LEUTX: variants seen among roughly 807,000 people sequenced by gnomAD.
The protein encoded by LEUTX is leucine twenty homeobox.
LEUTX carries 5 observed loss-of-function variants against 4.5 expected under a neutral mutation model. That is an observed-to-expected ratio of 1.11 (90% CI 0.58 to 2.34). LEUTX has a LOEUF of 2.34. LEUTX is among the 30% of genes most tolerant of loss of function. The probability of loss-of-function intolerance (pLI) is 0.01; values close to 1 mark genes in which losing one functional copy is unlikely to be tolerated. For missense variants in LEUTX, 233 were observed against 239.4 expected, an observed-to-expected ratio of 0.97 and a Z score of 0.18; for synonymous variants, 89 against 85.1, an observed-to-expected ratio of 1.05 and a Z score of -0.25.
In LEUTX at chr19:39,786,119, T is replaced by A; in HGVS notation, c.581T>A (p.Leu194His). Residue 194 changes from leucine (L) to histidine (H), a missense_variant, in exon 3 of 3, where the codon CTC (leucine) becomes CAC (histidine). By Grantham distance (99) the Leu-to-His change is moderately conservative (BLOSUM62 -3). Transcript: ENST00000638280. ...LFPVCLEYDQLQSSV is the reference protein window; with the variant it reads ...LFPVCLEYDQHQSSV ...CCAGTATGCCTTGAGTATGACCAGC[T>A]CCAATCTTCAGTGTAACTTCTTACA... is the stretch of plus-strand genomic sequence containing the variant. 6.5e-7 allele frequency: 1 copy of A among 1,530,482 alleles called. No individual in the cohort carries two copies. Among genetic ancestry groups the A allele is most frequent in the Non-Finnish European group, 8.8e-7 (1 of 1,137,242 alleles). The allele number at this position is 1,530,482 out of a possible 1,614,324, so 94.8% of individuals were successfully genotyped here.
intron 1 of LEUTX, among the ~76,000 whole-genome samples, chr19:39,782,288 C>T (rs186241826): frequency 5.9e-5 from 9 of 152,236 alleles, no homozygotes; most frequent in East Asian, 1.9e-4. Context: ...GGGAAGGATC[C>T]GGTGGGAGAT....
At chr19:39,784,074 A>G (rs1967927026) in intron 1 of LEUTX, among the ~76,000 whole-genome samples, 1 of 151,888 alleles carries the variant, frequency 6.6e-6, no homozygotes, top group Admixed American at 6.6e-5. Flanking sequence ...TCTTAGGTCT[A>G]GTGGATAAAA....
upstream of LEUTX, among the ~76,000 whole-genome samples, chr19:39,778,397 G>A (rs1459665050): frequency 6.6e-6 from 1 of 151,862 alleles, no homozygotes; most frequent in African/African-American, 2.4e-5. Context: ...AGGTTGAACC[G>A]AGATGGGCGG....
At chr19:39,784,400 G>A in intron 1 of LEUTX, 127 bp from the exon 2 acceptor site, 1 of 550,408 alleles carries the variant, frequency 1.8e-6, no homozygotes, top group Non-Finnish European at 3.2e-6. Context: ...CTCTGTCAGA[G>A]GGACGGTCTA....
intron 1 of LEUTX, among the ~76,000 whole-genome samples, chr19:39,780,596 C>T (rs1265844563): frequency 1.3e-5 from 2 of 152,150 alleles, no homozygotes; most frequent in African/African-American, 4.8e-5. Flanking sequence ...TAGTGCTGGA[C>T]ATCCCTGAGC....
rs539057928 is a variant in LEUTX, at chr19:39,785,622, C to T, written c.160-76C>T. ...GAGACTCTCTCTCACACCAAAAAAC[C>T]GAATTCCTGAGGAACATGAGGATGC... On this transcript the variant is annotated intron_variant, in intron 2 of 2. Coordinates refer to ENST00000638280, the MANE Select transcript of LEUTX (RefSeq NM_001382345.1). 61 of 1,211,294 alleles carry T rather than the reference C, an allele frequency of 5.0e-5. No homozygotes were observed. In the African/African-American group the frequency reaches 7.5e-4, roughly 15 times the overall value. The allele number at this position is 1,211,294 out of a possible 1,614,324, so 75.0% of individuals were successfully genotyped here.
Position 39,783,836 on chromosome 19 carries a change from G to T in LEUTX, c.8-691G>T, listed in dbSNP as rs189664798. On this transcript the variant is annotated intron_variant, in intron 1 of 2. Transcript: ENST00000638280. ...GCCCACTTTTTGATGGAATTGTTTG[G>T]TTTTTTTCTTGCTAATTTGTTTGAG... Among the ~76,000 whole-genome samples, 478 of 151,876 alleles carry T rather than the reference G, an allele frequency of 3.1e-3. 2 individuals carry two copies. Among genetic ancestry groups the T allele is most frequent in the African/African-American group, 0.01 (429 of 41,422 alleles).
At chr19:39,779,207 C>G (rs748538509) in intron 1 of LEUTX, among the ~76,000 whole-genome samples, 3 of 152,128 alleles carry the variant, frequency 2.0e-5, no homozygotes, top group Non-Finnish European at 2.9e-5. Flanking sequence ...CCACCTCACC[C>G]TCAGGAGTAG....
intron 1 of LEUTX, among the ~76,000 whole-genome samples, chr19:39,780,978 A>G (rs1490955243): frequency 2.0e-5 from 3 of 152,110 alleles, no homozygotes; most frequent in Non-Finnish European, 4.4e-5. Flanking sequence ...TGCTAGTATT[A>G]CAGGCATGAG....
intron 1 of LEUTX, among the ~76,000 whole-genome samples, chr19:39,783,307 CA>C (rs1481160038): frequency 7.0e-6 from 1 of 142,364 alleles, no homozygotes; most frequent in African/African-American, 2.6e-5. Context: ...TAATTATATA[CA>C]ATATAATTTA....
chr19:39,786,238 G>A lies in LEUTX; in HGVS notation c.*103G>A, dbSNP rs1007172408. The A allele has an allele frequency of 1.7e-4, 144 of 837,856 alleles. No homozygotes were observed. Among genetic ancestry groups the A allele is most frequent in the Admixed American group, 8.9e-4 (26 of 29,098 alleles). The allele number at this position is 837,856 out of a possible 1,614,324, so 51.9% of individuals were successfully genotyped here. A position where few individuals can be genotyped will look rare whatever the true frequency, so the allele number is the denominator to read the frequency against. ...CCCCAGTCTAAGTAGATCAGGGGCT[G>A]GGAATTTATCTTTTTCTGTAGAAAA... is the stretch of plus-strand genomic sequence containing the variant. On this transcript the variant is annotated 3_prime_UTR_variant, in exon 3 of 3. Transcript: ENST00000638280.
intron 1 of LEUTX, among the ~76,000 whole-genome samples, chr19:39,782,737 T>C (rs1174108245): frequency 6.6e-6 from 1 of 152,144 alleles, no homozygotes. Flanking sequence ...TTTCTAGGAA[T>C]GCAGAACACT....
chr19:39,781,104 GTCTCTCCC>G (rs1967879762), intron 1 of LEUTX, among the ~76,000 whole-genome samples: 1 of 149,780 alleles, frequency 6.7e-6, no homozygotes, highest in African/African-American at 2.5e-5. Flanking sequence ...CTTTCTCTCT[GTCTCTCCC>G]TCTCTCCCTT....
chr19:39,776,988 C>T (rs990033681), upstream of LEUTX, among the ~76,000 whole-genome samples: 12 of 152,192 alleles, frequency 7.9e-5, no homozygotes, highest in African/African-American at 2.7e-4. Context: ...CACCTTGCCC[C>T]GACCTTGGTT....
At chr19:39,781,417 T>G (rs1172180153) in intron 1 of LEUTX, among the ~76,000 whole-genome samples, 6 of 152,226 alleles carry the variant, frequency 3.9e-5, no homozygotes, top group Non-Finnish European at 7.3e-5. Flanking sequence ...AAACTCCCAT[T>G]ATGCACTAAT....
chr19:39,784,075 G>A (rs1967927082), intron 1 of LEUTX, among the ~76,000 whole-genome samples: 1 of 151,988 alleles, frequency 6.6e-6, no homozygotes, highest in African/African-American at 2.4e-5. Flanking sequence ...CTTAGGTCTA[G>A]TGGATAAAAG....
intron 1 of LEUTX, among the ~76,000 whole-genome samples, chr19:39,783,364 TACACAC>T (rs141643356): frequency 8.9e-5 from 12 of 134,430 alleles, no homozygotes; most frequent in African/African-American, 3.0e-4. Flanking sequence ...TATATATATA[TACACAC>T]ACACACACAC....
intron 1 of LEUTX, among the ~76,000 whole-genome samples, chr19:39,784,045 T>C (rs527887993): frequency 6.6e-6 from 1 of 152,260 alleles, no homozygotes; most frequent in East Asian, 1.9e-4. Flanking sequence ...TTGGTCATTG[T>C]GTTGCTGTCT....
chr19:39,784,524 C>T lies in LEUTX; in HGVS notation c.8-3C>T. Reference sequence around the variant, plus strand: ...GAAAGCCTTTTATCTGTTCCCTCTGCAGAAGGGCCAAGGCGTTATCGTCGG... The same window carrying T: ...GAAAGCCTTTTATCTGTTCCCTCTGTAGAAGGGCCAAGGCGTTATCGTCGG... On this transcript the variant is annotated splice_polypyrimidine_tract_variant and splice_region_variant and intron_variant, in intron 1 of 2. Coordinates refer to ENST00000638280, the MANE Select transcript of LEUTX (RefSeq NM_001382345.1). 2.1e-6 allele frequency: 2 copies of T among 942,680 alleles called. No homozygotes were observed. Among genetic ancestry groups the T allele is most frequent in the Non-Finnish European group, 3.4e-6 (2 of 591,404 alleles). The allele number at this position is 942,680 out of a possible 1,614,324, so 58.4% of individuals were successfully genotyped here.
Sources: gnomAD v4.1 joint callset for allele counts (sites outside exome capture counted in the v4.1 genomes callset) on GRCh38, gnomAD v4.1.1 for gene constraint, MANE v1.5 for transcripts, NCBI Gene and HGNC (gene_info 2026-07-23, HGNC 2026-07-21) for gene names.